Variants in COMMD3 observed in about 807,000 individuals in gnomAD.
COMMD3 encodes COMM domain containing 3.
Under a neutral mutation model 31.2 loss-of-function variants are expected in COMMD3, and 31 were observed. That is an observed-to-expected ratio of 0.99 (90% CI 0.75 to 1.34). The LOEUF (loss-of-function observed/expected upper bound fraction) is 1.34. Among genes scored for constraint, COMMD3 ranks in the 40% most tolerant of loss-of-function variants. The probability of loss-of-function intolerance (pLI) is 0.00; values close to 1 mark genes in which losing one functional copy is unlikely to be tolerated. For missense variants in COMMD3, 274 were observed against 236.9 expected (o/e 1.16, Z -1.03); for synonymous variants, 108 against 87.3 (o/e 1.24, Z -1.32).
rs1835927940 is a variant in COMMD3 at position 22,319,850 on chromosome 10, C to T, written c.529-89C>T. 3 of 1,521,332 alleles carry T rather than the reference C, an allele frequency of 2.0e-6. No homozygotes were observed. In the South Asian group the frequency reaches 3.6e-5, roughly 18 times the overall value. The allele number at this position is 1,521,332 out of a possible 1,614,324, so 94.2% of individuals were successfully genotyped here. A position where few individuals can be genotyped will look rare whatever the true frequency, so the allele number is the denominator to read the frequency against. Reference sequence around the variant, plus strand: ...TTTAAACTTGTTTGGAAGGTGTGTCCTGATTTTTTTTCTTGCATCTTTCTT... The same window carrying T: ...TTTAAACTTGTTTGGAAGGTGTGTCTTGATTTTTTTTCTTGCATCTTTCTT... On this transcript the variant is annotated intron_variant, in intron 7 of 7. Coordinates refer to ENST00000376836, the MANE Select transcript of COMMD3 (RefSeq NM_012071.4).
At position 22,317,968 on chromosome 10, in the gene COMMD3, A is replaced by G. The variant is rs1835883878; in HGVS notation, c.224A>G (p.Lys75Arg). Reference sequence around the variant, plus strand: ...GCAACTTACATACTAGAGGCAGGAAAGCACCGAGCTGACAAGTCAACTCTA... The same window carrying G: ...GCAACTTACATACTAGAGGCAGGAAGGCACCGAGCTGACAAGTCAACTCTA... ...AAATYILEAG[K>R]HRADKSTLST... The change falls in exon 2 of 8, where the codon AAG becomes AGG. Residue 75 changes from lysine to arginine, a missense_variant. By Grantham distance (26) the Lys-to-Arg change is conservative. Coordinates refer to ENST00000376836, the MANE Select transcript of COMMD3 (RefSeq NM_012071.4). 6.2e-7 allele frequency: 1 copy of G among 1,614,050 alleles called. No individual in the cohort carries two copies. The highest frequency in any genetic ancestry group is 8.5e-7 in the Non-Finnish European group (1 of 1,179,946).
chr10:22,318,103 A>G lies in COMMD3; in HGVS notation c.252-2A>G, dbSNP rs1037692557. On this transcript the variant is annotated splice_acceptor_variant, in intron 2 of 7. Transcript: ENST00000376836. LOFTEE classifies it high-confidence loss of function. ...CTTTGGCTTTTTTTTTCTTTCTTCT[A>G]GCACTTATCTAGAAGACTGTAAATT... The G allele has an allele frequency of 2.5e-6, 4 of 1,612,022 alleles. No homozygotes were observed. In the African/African-American group the frequency reaches 4.0e-5, roughly 16 times the overall value.
rs1189018405 is a variant in COMMD3, at chr10:22,316,494, C to A, written c.77C>A (p.Thr26Lys). 6.4e-7 allele frequency: 1 copy of A among 1,550,572 alleles called. No individual in the cohort carries two copies. Among genetic ancestry groups the A allele is most frequent in the Admixed American group, 2.0e-5 (1 of 50,990 alleles). Residue 26 changes from threonine (T) to lysine (K), a missense_variant, in exon 1 of 8, where the codon ACG becomes AAG. Thr to Lys is a moderately conservative substitution (Grantham distance 78). Coordinates refer to ENST00000376836, the MANE Select transcript of COMMD3 (RefSeq NM_012071.4). ...CGCTCCTTCGACTCCAACGCCTTCA[C>A]GCTTCTCCTCCGGGCGGCATTCCAG... ...DPRSFDSNAFTLLLRAAFQSL... is the reference protein window; with the variant it reads ...DPRSFDSNAFKLLLRAAFQSL...
Position 22,318,655 on chromosome 10 carries a change from T to C in COMMD3, c.353T>C (p.Ile118Thr). The change falls in exon 5 of 8, where the codon ATA becomes ACA. Residue 118 changes from isoleucine to threonine, a missense_variant and splice_region_variant. Physicochemically the swap from Ile to Thr is moderately conservative, Grantham distance 89. Transcript: ENST00000376836. ...GAAGTTATCATTGCATCTTTCAGTA[T>C]AGGCAGATCTCTCCCTCATATAACG... is the stretch of plus-strand genomic sequence containing the variant. ...KNSLEILLGS[I>T]GRSLPHITDV... 3 of 1,611,856 alleles carry C rather than the reference T, an allele frequency of 1.9e-6. No homozygotes were observed. The highest frequency in any genetic ancestry group is 2.5e-6 in the Non-Finnish European group (3 of 1,178,082).
At chr10:22,318,228 G>T (rs998880071) in intron 3 of COMMD3, 44 bp from the exon 4 acceptor site, 29 of 1,589,192 alleles carry the variant, frequency 1.8e-5, no homozygotes, top group African/African-American at 5.5e-5. Context: ...TGTTTGTAAA[G>T]ATGTTTTTTT....
intron 7 of COMMD3, 112 bp from the exon 8 acceptor site, chr10:22,319,827 T>C: frequency 7.5e-7 from 1 of 1,342,004 alleles, no homozygotes; most frequent in Non-Finnish European, 1.0e-6. Flanking sequence ...TGTTGAATTT[T>C]AAACTTGTTT....
chr10:22,320,218 C>T lies in COMMD3; in HGVS notation c.*220C>T. The T allele has an allele frequency of 2.4e-6, 3 of 1,247,758 alleles. No homozygotes were observed. The highest frequency in any genetic ancestry group is 3.2e-6 in the Non-Finnish European group (3 of 928,444). The allele number at this position is 1,247,758 out of a possible 1,614,324, so 77.3% of individuals were successfully genotyped here. A position where few individuals can be genotyped will look rare whatever the true frequency, so the allele number is the denominator to read the frequency against. The stretch of plus-strand genomic sequence containing the variant: ...TTTGAATCGTTTAGTAGTAACTGTC[C>T]ATTTATCCTATTTTGATCTTTTTCA... On this transcript the variant is annotated 3_prime_UTR_variant, in exon 8 of 8. Transcript: ENST00000376836.
chr10:22,318,339 C>G, intron 4 of COMMD3, 33 bp downstream of exon 4: 1 of 1,578,690 alleles, frequency 6.3e-7, no homozygotes, highest in Non-Finnish European at 8.5e-7. Context: ...AGCTGAGGCA[C>G]TTTTCACTTG....
rs1270240047 is a variant in COMMD3 at position 22,318,108 on chromosome 10, T to C, written c.255T>C (p.Thr85=). Residue 85 remains threonine (T), a synonymous_variant, in exon 3 of 8, where the codon ACT becomes ACC. Coordinates refer to ENST00000376836, the MANE Select transcript of COMMD3 (RefSeq NM_012071.4). Reference sequence around the variant, plus strand: ...GCTTTTTTTTTCTTTCTTCTAGCACTTATCTAGAAGACTGTAAATTTGACA... The same window carrying C: ...GCTTTTTTTTTCTTTCTTCTAGCACCTATCTAGAAGACTGTAAATTTGACA... The part of the protein sequence containing the change: ...KHRADKSTLS[T]YLEDCKFDRE... 2.5e-6 allele frequency: 4 copies of C among 1,612,406 alleles called. No homozygotes were observed. In the East Asian group the frequency reaches 8.9e-5, roughly 36 times the overall value.
In COMMD3 at chr10:22,316,469, C is replaced by G. The variant is rs11552445; in HGVS notation, c.52C>G (p.Arg18Gly). ...QKGFQMLADP[R>G]SFDSNAFTLL... ...AGGCTTCCAGATGCTGGCGGATCCC[C>G]GCTCCTTCGACTCCAACGCCTTCAC... Residue 18 changes from arginine (R) to glycine (G), a missense_variant, in exon 1 of 8, where the codon CGC becomes GGC. Physicochemically the swap from Arg to Gly is moderately radical, Grantham distance 125. Coordinates refer to ENST00000376836, the MANE Select transcript of COMMD3 (RefSeq NM_012071.4). The G allele has an allele frequency of 0.035, 54,384 of 1,550,398 alleles. 8,132 individuals are homozygous for G. The African/African-American group carries it at 0.46, about 13-fold the overall frequency.
rs770545210 is a variant in COMMD3, at chr10:22,318,638, C to A, written c.351-15C>A. 2 of 1,606,612 alleles carry A rather than the reference C, an allele frequency of 1.2e-6. No homozygotes were observed. The highest frequency in any genetic ancestry group is 1.7e-6 in the Non-Finnish European group (2 of 1,173,502). On this transcript the variant is annotated splice_polypyrimidine_tract_variant and intron_variant, in intron 4 of 7. Coordinates refer to ENST00000376836, the MANE Select transcript of COMMD3 (RefSeq NM_012071.4). ...CTGAGGAGACTATGTACGAAGTTAT[C>A]ATTGCATCTTTCAGTATAGGCAGAT...
intron 7 of COMMD3, 146 bp from the exon 8 acceptor site, chr10:22,319,784 TGCCCGATAG>T: frequency 1.2e-6 from 1 of 849,338 alleles, no homozygotes; most frequent in Admixed American, 2.9e-5. Flanking sequence ...ACGCTTTTTT[TGCCCGATAG>T]TAGTTTGTCA....
In COMMD3 at chr10:22,320,145, C is replaced by G; in HGVS notation, c.*147C>G. ...TTTATACCATTCATCAATTTTGACA[C>G]TTTAAAAACGTGTGAAAGGGTTAAG... is the stretch of plus-strand genomic sequence containing the variant. On this transcript the variant is annotated 3_prime_UTR_variant, in exon 8 of 8. Coordinates refer to ENST00000376836, the MANE Select transcript of COMMD3 (RefSeq NM_012071.4). 3 of 1,544,554 alleles carry G rather than the reference C, an allele frequency of 1.9e-6. No homozygotes were observed. In the South Asian group the frequency reaches 3.6e-5, roughly 19 times the overall value.
rs1835935774 is a variant in COMMD3 at position 22,320,044 on chromosome 10, A to C, written c.*46A>C. ...GCCCGAGTGCAGAGGAAAACCAGAA[A>C]CGCCTTGCCTTCAGCTGAACCACCG... is the stretch of plus-strand genomic sequence containing the variant. On this transcript the variant is annotated 3_prime_UTR_variant, in exon 8 of 8. Coordinates refer to ENST00000376836, the MANE Select transcript of COMMD3 (RefSeq NM_012071.4). 1 of 1,613,860 alleles carries C rather than the reference A, an allele frequency of 6.2e-7. No individual in the cohort carries two copies. The highest frequency in any genetic ancestry group is 1.3e-5 in the African/African-American group (1 of 74,904).
intron 1 of COMMD3, chr10:22,317,611 T>C (rs1441727596): frequency 7.6e-6 from 2 of 263,100 alleles, no homozygotes; most frequent in Non-Finnish European, 1.5e-5. Flanking sequence ...ATTGTTATAT[T>C]TTCTTTGGGG....
Position 22,318,300 on chromosome 10 carries a change from TGG to T in COMMD3, c.346_347del (p.Gly116LysfsTer27). 6.2e-7 allele frequency: 1 copy of T among 1,603,620 alleles called. No homozygotes were observed. The highest frequency in any genetic ancestry group is 8.5e-7 in the Non-Finnish European group (1 of 1,177,340). On this transcript the variant is annotated frameshift_variant, in exon 4 of 8. Transcript: ENST00000376836. LOFTEE classifies it high-confidence loss of function. ...AATAAGAATTCCCTAGAAATCCTAC[TGG>T]GAAGGTAGGTACTGTATAAGGTGTC... is the stretch of plus-strand genomic sequence containing the variant.
intron 7 of COMMD3, 72 bp downstream of exon 7, chr10:22,319,090 G>C: frequency 6.8e-7 from 1 of 1,469,314 alleles, no homozygotes; most frequent in Non-Finnish European, 9.1e-7. Context: ...CTCTTGGGAA[G>C]TTCAAAAGAA....
rs1166479514 is a variant in COMMD3 at position 22,318,288 on chromosome 10, T to C, written c.332T>C (p.Leu111Pro). ...CTEYQNNKNS[L>P]EILLGSIGRS... is the part of the protein sequence containing the mutation. ...TCTCTCCAGAATAATAAGAATTCCC[T>C]AGAAATCCTACTGGGAAGGTAGGTA... Residue 111 changes from leucine (L) to proline (P), a missense_variant, in exon 4 of 8, where the codon CTA becomes CCA. Coordinates refer to ENST00000376836, the MANE Select transcript of COMMD3 (RefSeq NM_012071.4). The C allele has an allele frequency of 4.4e-6, 7 of 1,602,764 alleles. No individual in the cohort carries two copies. Among genetic ancestry groups the C allele is most frequent in the Non-Finnish European group, 5.1e-6 (6 of 1,177,220 alleles).
At chr10:22,319,112 C>T in intron 7 of COMMD3, 94 bp downstream of exon 7, 3 of 1,347,042 alleles carry the variant, frequency 2.2e-6, no homozygotes, top group Non-Finnish European at 3.0e-6. Flanking sequence ...ATTAATCTAA[C>T]CATTTGTCAG....
Sources: allele counts gnomAD v4.1 joint callset, GRCh38; gene constraint gnomAD v4.1.1; transcripts MANE v1.5; gene names NCBI Gene and HGNC (gene_info 2026-07-23, HGNC 2026-07-21).